The following GRM1 variants were observed in gnomAD, a reference collection of about 807,000 sequenced individuals.
GRM1 encodes the protein glutamate metabotropic receptor 1, also known as metabotropic glutamate receptor 1.
In GRM1, 33 loss-of-function variants were observed where a neutral mutation model predicts 90.9. That is an observed-to-expected ratio of 0.36 (90% CI 0.28 to 0.49). The LOEUF (loss-of-function observed/expected upper bound fraction) is 0.49, where lower values mean the gene tolerates loss of function less well. Ranked by LOEUF, GRM1 falls within the 20% of genes least tolerant of loss-of-function variation. GRM1 has a pLI of 0.99. For missense variants in GRM1, 1,190 were observed against 1,534.3 expected, an observed-to-expected ratio of 0.78 and a Z score of 3.75; for synonymous variants, 700 against 613.2, an observed-to-expected ratio of 1.14 and a Z score of -2.09.
intron 2 of GRM1, among the ~76,000 whole-genome samples, chr6:146,234,547 A>G (rs997811855): frequency 2.6e-5 from 4 of 151,968 alleles, no homozygotes; most frequent in African/African-American, 9.7e-5. Flanking sequence ...GCCTTCCAAT[A>G]ATTTTATACT....
rs996130888 is a variant in GRM1 at position 146,434,200 on chromosome 6, G to T, written c.2989G>T (p.Ala997Ser). The T allele has an allele frequency of 6.2e-7, 1 of 1,611,368 alleles. No homozygotes were observed. Among genetic ancestry groups the T allele is most frequent in the African/African-American group, 1.3e-5 (1 of 74,854 alleles). Residue 997 changes from alanine to serine, a missense_variant, in exon 8 of 8, where the codon GCA (alanine) becomes TCA (serine). Ala to Ser is a moderately conservative substitution (Grantham distance 99). This residue lies in a region of GRM1 where 400 missense variants were observed against 360.8 expected (regional missense o/e 1.11). Transcript: ENST00000282753. ...TCCGCCTCTGCCGTCCCACCTGACC[G>T]CAGAGGAGACCCCCCTCTTCCTGGC... The part of the protein sequence containing the change: ...TTPPLPSHLT[A>S]EETPLFLAEP...
At chr6:146,318,116 C>T (rs1784039321) in intron 3 of GRM1, among the ~76,000 whole-genome samples, 1 of 152,210 alleles carries the variant, frequency 6.6e-6, no homozygotes, top group Non-Finnish European at 1.5e-5. Context: ...CTGTCATCTA[C>T]ATTAGGTATT....
intron 1 of GRM1, among the ~76,000 whole-genome samples, chr6:146,141,244 T>G (rs1165667937): frequency 6.6e-6 from 1 of 152,148 alleles, no homozygotes; most frequent in African/African-American, 2.4e-5. Context: ...AAAAGTCTGC[T>G]GCCAGACATA....
chr6:146,236,975 C>T (rs1205533406), intron 2 of GRM1, among the ~76,000 whole-genome samples: 1 of 152,112 alleles, frequency 6.6e-6, no homozygotes, highest in African/African-American at 2.4e-5. Flanking sequence ...CAAGAGTTCA[C>T]ACTTCACCTT....
At chr6:146,276,252 C>A (rs1782357636) in intron 2 of GRM1, among the ~76,000 whole-genome samples, 1 of 152,072 alleles carries the variant, frequency 6.6e-6, no homozygotes, top group South Asian at 2.1e-4. Flanking sequence ...GATTCTAATT[C>A]TTCATTCATC....
intron 3 of GRM1, among the ~76,000 whole-genome samples, chr6:146,326,743 T>G (rs1784414778): frequency 6.6e-6 from 1 of 152,224 alleles, no homozygotes; most frequent in African/African-American, 2.4e-5. Flanking sequence ...TACTGAAGAC[T>G]ATTTATTTAA....
chr6:146,409,629 G>C (rs995345061), intron 7 of GRM1, among the ~76,000 whole-genome samples: 2 of 151,940 alleles, frequency 1.3e-5, no homozygotes, highest in African/African-American at 4.8e-5. Flanking sequence ...TGTCTTCTGA[G>C]TTAATAAAAA....
In GRM1 at chr6:146,434,078, A is replaced by G. The variant is rs1212150882; in HGVS notation, c.2867A>G (p.Asn956Ser). ...FSDTSTKTLY[N>S]VEEEEDAQPI... The stretch of plus-strand genomic sequence containing the variant: ...GATACCAGCACCAAGACCCTTTACA[A>G]CGTAGAGGAGGAGGAGGATGCCCAG... The change falls in exon 8 of 8, where the codon AAC (asparagine) becomes AGC (serine). Residue 956 changes from asparagine to serine, a missense_variant. Asn to Ser is a conservative substitution (Grantham distance 46). Around this residue, in one of 10 missense-constraint regions of GRM1, gnomAD observed 400 missense variants for 360.8 expected, o/e 1.11. Transcript: ENST00000282753. The G allele has an allele frequency of 6.2e-7, 1 of 1,613,786 alleles. No homozygotes were observed. Among genetic ancestry groups the G allele is most frequent in the Non-Finnish European group, 8.5e-7 (1 of 1,179,668 alleles).
At chr6:146,270,011 C>G (rs780364920) in intron 2 of GRM1, among the ~76,000 whole-genome samples, 5 of 150,334 alleles carry the variant, frequency 3.3e-5, no homozygotes, top group Non-Finnish European at 5.9e-5. Flanking sequence ...GCATAAAATT[C>G]AGACACAAAA....
chr6:146,179,545 G>A (rs1025444764), intron 2 of GRM1, among the ~76,000 whole-genome samples: 9 of 152,262 alleles, frequency 5.9e-5, no homozygotes, highest in Admixed American at 3.3e-4. Flanking sequence ...ACGGAGTTTC[G>A]CTTTGTCGCC....
chr6:146,124,660 T>C (rs1776127797), intron 1 of GRM1, among the ~76,000 whole-genome samples: 2 of 152,162 alleles, frequency 1.3e-5, no homozygotes, highest in Non-Finnish European at 2.9e-5. Context: ...ACCTATATAC[T>C]ACAAAATTGA....
At chr6:146,414,948 T>A (rs188116423) in intron 7 of GRM1, among the ~76,000 whole-genome samples, 2 of 152,372 alleles carry the variant, frequency 1.3e-5, no homozygotes, top group Non-Finnish European at 2.9e-5. Flanking sequence ...AGGAGGTTTA[T>A]TGTTTTGACT....
chr6:146,221,059 T>C (rs1482043077), intron 2 of GRM1, among the ~76,000 whole-genome samples: 3 of 151,750 alleles, frequency 2.0e-5, no homozygotes, highest in African/African-American at 7.3e-5. Flanking sequence ...GTAAAAGCAA[T>C]GGGGACTTGC....
At chr6:146,398,693 T>C in intron 6 of GRM1, 76 bp from the exon 7 acceptor site, 1 of 967,008 alleles carries the variant, frequency 1.0e-6, no homozygotes. Context: ...TGACTGTGTC[T>C]CTGGTAATTA....
chr6:146,250,408 A>G lies in GRM1; in HGVS notation c.951-54203A>G, dbSNP rs1026735712. 3.3e-5 allele frequency among the ~76,000 whole-genome samples: 5 copies of G among 152,132 alleles called. No individual in the cohort carries two copies. In the East Asian group the frequency reaches 9.6e-4, roughly 29 times the overall value. ...GGACAGTTTCTCCCATGCTGTTTTC[A>G]TGATAGTGAGTGAGTTCTCATAAGA... On this transcript the variant is annotated intron_variant, in intron 2 of 7. Transcript: ENST00000282753.
At chr6:146,429,722 A>G (rs1030969250) in intron 7 of GRM1, among the ~76,000 whole-genome samples, 3 of 151,914 alleles carry the variant, frequency 2.0e-5, no homozygotes, top group Non-Finnish European at 4.4e-5. Context: ...GTGCCTTTTT[A>G]TCTTTTTTCT....
chr6:146,103,108 C>T (rs915539390), intron 1 of GRM1, among the ~76,000 whole-genome samples: 4 of 152,012 alleles, frequency 2.6e-5, no homozygotes, highest in African/African-American at 4.8e-5. Flanking sequence ...GGAACAAAAC[C>T]GAAGTTGTTA....
intron 3 of GRM1, among the ~76,000 whole-genome samples, chr6:146,344,881 G>A (rs200624268): frequency 2.6e-5 from 4 of 151,648 alleles, no homozygotes; most frequent in Non-Finnish European, 4.4e-5. Context: ...GCATGATCTC[G>A]GCTCACCACA....
chr6:146,184,217 G>T (rs959828256), intron 2 of GRM1, among the ~76,000 whole-genome samples: 2 of 152,052 alleles, frequency 1.3e-5, no homozygotes, highest in African/African-American at 4.8e-5. Context: ...AGACAGAGGG[G>T]GAGATAATTA....
Sources: allele counts gnomAD v4.1 joint callset (sites outside exome capture counted in the v4.1 genomes callset), GRCh38; gene constraint gnomAD v4.1.1; regional missense constraint gnomAD v4.1.1; transcripts MANE v1.5; gene names NCBI Gene and HGNC (gene_info 2026-07-23, HGNC 2026-07-21).